RASGRP3: variants seen among roughly 807,000 people sequenced by gnomAD.
RASGRP3 encodes the protein RAS guanyl releasing protein 3, also known as ras guanyl-releasing protein 3.
RASGRP3 carries 54 observed loss-of-function variants against 82.7 expected under a neutral mutation model. The ratio of observed to expected loss-of-function variants is 0.65; its 90% CI spans 0.52 to 0.82. The LOEUF (loss-of-function observed/expected upper bound fraction) is 0.82. RASGRP3 is among the 40% of genes least tolerant of loss of function. The pLI is 0.00. For synonymous variants in RASGRP3, 309 were observed against 300.5 expected (o/e 1.03, Z -0.29); for missense variants, 861 against 828.9 (o/e 1.04, Z -0.48).
At chr2:33,495,945 C>T (rs1037379594) in intron 1 of RASGRP3, among the ~76,000 whole-genome samples, 5 of 152,160 alleles carry the variant, frequency 3.3e-5, no homozygotes, top group African/African-American at 1.2e-4. Context: ...CATGGGGATG[C>T]AGCCCTAAAA....
chr2:33,436,471 A>G (rs1664931458), exon 1 of RASGRP3: 1 of 152,252 alleles, frequency 6.6e-6, no homozygotes, highest in Non-Finnish European at 1.5e-5. Flanking sequence ...ACAGCATTTT[A>G]GAAGACAGAA....
intron 1 of RASGRP3, among the ~76,000 whole-genome samples, chr2:33,504,901 G>C (rs942600709): frequency 6.6e-6 from 1 of 152,160 alleles, no homozygotes; most frequent in Non-Finnish European, 1.5e-5. Flanking sequence ...GTTGGTATTG[G>C]CACCAAGTAC....
At chr2:33,546,418 G>A (rs534809035) in intron 13 of RASGRP3, among the ~76,000 whole-genome samples, 22 of 142,356 alleles carry the variant, frequency 1.5e-4, no homozygotes, top group African/African-American at 4.3e-4. Flanking sequence ...GCAAGACTCC[G>A]TCTCAAAAAA....
At chr2:33,445,509 C>G (rs1462551376) in intron 1 of RASGRP3, among the ~76,000 whole-genome samples, 1 of 151,916 alleles carries the variant, frequency 6.6e-6, no homozygotes, top group Non-Finnish European at 1.5e-5. Context: ...TTTTCTTGGC[C>G]CTCTGAATTC....
intron 1 of RASGRP3, among the ~76,000 whole-genome samples, chr2:33,477,375 C>T (rs1352756542): frequency 6.6e-6 from 1 of 152,200 alleles, no homozygotes; most frequent in Non-Finnish European, 1.5e-5. Flanking sequence ...ACCTTCATTA[C>T]TTTAAAATGT....
At chr2:33,525,465 A>G (rs1302441656) in intron 9 of RASGRP3, among the ~76,000 whole-genome samples, 3 of 152,048 alleles carry the variant, frequency 2.0e-5, no homozygotes, top group African/African-American at 7.2e-5. Flanking sequence ...TCCTTATGAA[A>G]AGATTCTCAT....
Position 33,534,365 on chromosome 2 carries a change from C to G in RASGRP3, c.1126C>G (p.Leu376Val). ...TCACACTGAAGATGATATTTACAAA[C>G]TGTCACTGGTGCTGGAGCCTAGAAA... The part of the protein sequence containing the change: ...LYHTEDDIYK[L>V]SLVLEPRNSK... Residue 376 changes from leucine (L) to valine (V), a missense_variant, in exon 11 of 18, where the codon CTG becomes GTG. Leu to Val is a conservative substitution (Grantham distance 32). Transcript: ENST00000403687. 6.3e-7 allele frequency: 1 copy of G among 1,582,068 alleles called. No individual in the cohort carries two copies. The highest frequency in any genetic ancestry group is 8.7e-7 in the Non-Finnish European group (1 of 1,152,038).
At chr2:33,552,056 C>T (rs995926062) in intron 14 of RASGRP3, among the ~76,000 whole-genome samples, 1 of 152,220 alleles carries the variant, frequency 6.6e-6, no homozygotes. Context: ...CTTATCTCCG[C>T]TCTCTAGTCC....
intron 4 of RASGRP3, 43 bp from the exon 5 acceptor site, chr2:33,519,909 A>C: frequency 4.8e-6 from 7 of 1,468,620 alleles, no homozygotes; most frequent in Non-Finnish European, 6.6e-6. Context: ...GGGGTGTGCA[A>C]AGGAAAGGAG....
intron 1 of RASGRP3, among the ~76,000 whole-genome samples, chr2:33,507,432 G>A (rs2150992533): frequency 6.6e-6 from 1 of 152,278 alleles, no homozygotes; most frequent in South Asian, 2.1e-4. Context: ...GGGCAGAGAT[G>A]CAGAAAGCCT....
chr2:33,497,081 T>C (rs949176706), intron 1 of RASGRP3, among the ~76,000 whole-genome samples: 3 of 152,226 alleles, frequency 2.0e-5, no homozygotes, highest in Admixed American at 6.5e-5. Flanking sequence ...ATGTGAGATT[T>C]GTACATTTTA....
intron 2 of RASGRP3, among the ~76,000 whole-genome samples, chr2:33,470,068 C>G (rs952448318): frequency 1.2e-4 from 18 of 152,000 alleles, no homozygotes; most frequent in Admixed American, 1.2e-3. Flanking sequence ...CCTTGTGGTT[C>G]TTTTCTAAAA....
chr2:33,446,795 A>G (rs1026917037), intron 1 of RASGRP3, among the ~76,000 whole-genome samples: 12 of 152,030 alleles, frequency 7.9e-5, no homozygotes, highest in African/African-American at 2.9e-4. Flanking sequence ...GGTGAGTGCC[A>G]TTAACTGTTG....
chr2:33,453,709 A>G (rs1163251566), intron 2 of RASGRP3, among the ~76,000 whole-genome samples: 1 of 152,196 alleles, frequency 6.6e-6, no homozygotes, highest in Non-Finnish European at 1.5e-5. Context: ...CAAGGACTAC[A>G]TGAGGATATG....
intron 1 of RASGRP3, among the ~76,000 whole-genome samples, chr2:33,437,196 G>T (rs566469773): frequency 3.9e-5 from 6 of 152,254 alleles, no homozygotes; most frequent in Admixed American, 6.5e-5. Context: ...TAGTAGTTAT[G>T]TAGATTTAAA....
intron 17 of RASGRP3, among the ~76,000 whole-genome samples, chr2:33,561,418 A>G (rs888427774): frequency 3.3e-5 from 5 of 152,136 alleles, no homozygotes; most frequent in African/African-American, 1.2e-4. Flanking sequence ...CGAGTATTTA[A>G]TTTCATCTGT....
intron 1 of RASGRP3, among the ~76,000 whole-genome samples, chr2:33,477,983 A>T (rs144171833): frequency 2.6e-4 from 39 of 152,258 alleles, no homozygotes; most frequent in Middle Eastern, 6.8e-3. Context: ...GGCTCAAGCT[A>T]TACGGTTTTC....
chr2:33,511,474 A>C (rs983229527), intron 1 of RASGRP3, among the ~76,000 whole-genome samples: 4 of 152,224 alleles, frequency 2.6e-5, no homozygotes, highest in Non-Finnish European at 4.4e-5. Context: ...GTTTTGTTGC[A>C]TATGTGGGTT....
chr2:33,505,699 A>G (rs970389778), intron 1 of RASGRP3, among the ~76,000 whole-genome samples: 7 of 152,222 alleles, frequency 4.6e-5, no homozygotes, highest in African/African-American at 1.4e-4. Context: ...CTGAGGCTCA[A>G]GTTTCCTAGT....
Sources: gnomAD v4.1 joint callset for allele counts (sites outside exome capture counted in the v4.1 genomes callset) on GRCh38, gnomAD v4.1.1 for gene constraint, MANE v1.5 for transcripts, NCBI Gene and HGNC (gene_info 2026-07-23, HGNC 2026-07-21) for gene names.